Variants in ARHGEF3 observed in about 807,000 individuals in gnomAD.
ARHGEF3 encodes 59.8 kDA protein.
ARHGEF3 carries 28 observed loss-of-function variants against 63.2 expected under a neutral mutation model. That is an observed-to-expected ratio of 0.44 (90% CI 0.33 to 0.61). The LOEUF (loss-of-function observed/expected upper bound fraction) is 0.61. ARHGEF3 is among the 20% of genes least tolerant of loss of function. The pLI is 0.03. For missense variants in ARHGEF3, 533 were observed against 659.3 expected, an observed-to-expected ratio of 0.81 and a Z score of 2.10; for synonymous variants, 266 against 254.2, an observed-to-expected ratio of 1.05 and a Z score of -0.44.
chr3:56,965,105 A>G (rs1700435274), intron 2 of ARHGEF3, among the ~76,000 whole-genome samples: 1 of 152,146 alleles, frequency 6.6e-6, no homozygotes, highest in Non-Finnish European at 1.5e-5. Flanking sequence ...ATTTTTTTTA[A>G]TTAACCAGGC....
At chr3:56,855,871 A>T (rs1187998048) in intron 4 of ARHGEF3, among the ~76,000 whole-genome samples, 2 of 152,218 alleles carry the variant, frequency 1.3e-5, no homozygotes, top group African/African-American at 2.4e-5. Context: ...CAGAAAAGGC[A>T]TTCCAAATAC....
rs2039657165 is a variant in ARHGEF3, at chr3:56,850,961, G to A, written c.192+31331C>T. On this transcript the variant is annotated intron_variant, in intron 4 of 12. Transcript: ENST00000338458. The stretch of plus-strand genomic sequence containing the variant: ...AGAAGAGGTCAAGTCACTTGATGAA[G>A]TCATGTAGCTAGTAAGTGGTAGAGT... 1.3e-5 allele frequency among the ~76,000 whole-genome samples: 2 copies of A among 152,186 alleles called. 1 individual carries two copies. The highest frequency in any genetic ancestry group is 4.8e-5 in the African/African-American group (2 of 41,444).
At chr3:57,002,490 TA>T (rs1242723772) in intron 2 of ARHGEF3, among the ~76,000 whole-genome samples, 1 of 40,740 alleles carries the variant, frequency 2.5e-5, no homozygotes, top group African/African-American at 9.8e-5. Context: ...TATATATATA[TA>T]TATATGTTAT....
intron 3 of ARHGEF3, among the ~76,000 whole-genome samples, chr3:56,958,176 G>A (rs1700124226): frequency 6.6e-6 from 1 of 152,002 alleles, no homozygotes; most frequent in Non-Finnish European, 1.5e-5. Flanking sequence ...ATTGTACACT[G>A]GTTCCCTCCA....
intron 2 of ARHGEF3, among the ~76,000 whole-genome samples, chr3:57,016,089 GCACAACTATCA>G (rs1473247728): frequency 2.0e-5 from 3 of 152,126 alleles, no homozygotes; most frequent in Admixed American, 2.0e-4. Context: ...AAAAGAACAT[GCACAACTATCA>G]CACAACTATC....
intron 6 of ARHGEF3, among the ~76,000 whole-genome samples, chr3:56,747,823 GA>G (rs1233267968): frequency 6.6e-6 from 1 of 151,992 alleles, no homozygotes; most frequent in African/African-American, 2.4e-5. Flanking sequence ...GACTGTCTCG[GA>G]AAAAAGGACA....
At chr3:57,040,585 T>C (rs1385083428) in intron 1 of ARHGEF3, among the ~76,000 whole-genome samples, 2 of 151,982 alleles carry the variant, frequency 1.3e-5, no homozygotes, top group Non-Finnish European at 2.9e-5. Context: ...GGAAGAGGAA[T>C]GATGGGGCTT....
At chr3:57,054,158 C>T (rs557132986) in intron 1 of ARHGEF3, among the ~76,000 whole-genome samples, 148 of 152,308 alleles carry the variant, frequency 9.7e-4, no homozygotes, top group African/African-American at 3.4e-3. Context: ...CATATCTTCA[C>T]CAACACTTTG....
At chr3:56,739,702 G>A (rs1051072924) in intron 7 of ARHGEF3, among the ~76,000 whole-genome samples, 9 of 151,978 alleles carry the variant, frequency 5.9e-5, no homozygotes, top group African/African-American at 2.2e-4. Flanking sequence ...GTCTGGCCAA[G>A]TGATTATTTT....
At chr3:56,749,844 CTCA>C (rs2107751028) in intron 6 of ARHGEF3, among the ~76,000 whole-genome samples, 1 of 151,616 alleles carries the variant, frequency 6.6e-6, no homozygotes, top group African/African-American at 2.4e-5. Flanking sequence ...TCATGAAACT[CTCA>C]TCAAGTATCT....
intron 2 of ARHGEF3, among the ~76,000 whole-genome samples, chr3:57,019,455 G>C (rs1056857229): frequency 2.0e-5 from 3 of 152,078 alleles, no homozygotes; most frequent in Admixed American, 2.0e-4. Context: ...GGAAAGAAAG[G>C]GGGCTCGAAA....
intron 4 of ARHGEF3, among the ~76,000 whole-genome samples, chr3:56,876,459 T>C (rs141217747): frequency 1.3e-5 from 2 of 152,230 alleles, no homozygotes; most frequent in East Asian, 1.9e-4. Flanking sequence ...TGGCAGACCA[T>C]AGCTCAGCTC....
At chr3:57,057,123 A>G (rs1235400353) in intron 1 of ARHGEF3, among the ~76,000 whole-genome samples, 1 of 151,944 alleles carries the variant, frequency 6.6e-6, no homozygotes, top group Non-Finnish European at 1.5e-5. Flanking sequence ...CATTATTATT[A>G]TTTTTTGAGA....
intron 4 of ARHGEF3, among the ~76,000 whole-genome samples, chr3:56,841,302 G>T (rs975385191): frequency 6.6e-6 from 1 of 152,172 alleles, no homozygotes; most frequent in South Asian, 2.1e-4. Flanking sequence ...AAGAGGTGGT[G>T]AGAAGAACTT....
intron 4 of ARHGEF3, among the ~76,000 whole-genome samples, chr3:56,813,970 C>T (rs901522425): frequency 7.9e-5 from 12 of 152,214 alleles, no homozygotes; most frequent in African/African-American, 2.7e-4. Context: ...GCATCTGTAC[C>T]AGCTGGAAGC....
chr3:56,915,746 G>C (rs2041971590), intron 3 of ARHGEF3, among the ~76,000 whole-genome samples: 1 of 152,020 alleles, frequency 6.6e-6, no homozygotes, highest in African/African-American at 2.4e-5. Context: ...AAAACACCAG[G>C]ATCACTTTAG....
chr3:56,902,395 G>C (rs773464282), intron 3 of ARHGEF3, among the ~76,000 whole-genome samples: 1 of 152,192 alleles, frequency 6.6e-6, no homozygotes, highest in Non-Finnish European at 1.5e-5. Context: ...TGCATGAAAT[G>C]AGAAAATGAG....
chr3:56,802,791 G>C (rs2037722561), upstream of ARHGEF3, among the ~76,000 whole-genome samples: 1 of 152,138 alleles, frequency 6.6e-6, no homozygotes, highest in African/African-American at 2.4e-5. Context: ...TGATCTTAAG[G>C]TTGTTTGCAG....
chr3:56,891,483 G>A lies in ARHGEF3; in HGVS notation c.130-9129C>T, dbSNP rs189580842. Among the ~76,000 whole-genome samples the A allele has an allele frequency of 3.5e-4, 53 of 152,090 alleles. 1 individual carries two copies. The highest frequency in any genetic ancestry group is 1.6e-3 in the Admixed American group (25 of 15,264). On this transcript the variant is annotated intron_variant, in intron 3 of 12. Coordinates refer to the ARHGEF3 transcript ENST00000338458. Reference sequence around the variant, plus strand: ...GAAATCATGATGTTTTCAGAGCTACGGGGAACTAAATTTTAACAAATATAA... The same window carrying A: ...GAAATCATGATGTTTTCAGAGCTACAGGGAACTAAATTTTAACAAATATAA...
Sources: allele counts gnomAD v4.1 joint callset (sites outside exome capture counted in the v4.1 genomes callset), GRCh38; gene constraint gnomAD v4.1.1; transcripts MANE v1.5; gene names NCBI Gene and HGNC (gene_info 2026-07-23, HGNC 2026-07-21).